The following GPC3 variants were observed in gnomAD, a reference collection of about 807,000 sequenced individuals.
GPC3 encodes the protein glypican 3.
In GPC3, 3 loss-of-function variants were observed where a neutral mutation model predicts 34.4. The ratio of observed to expected loss-of-function variants is 0.09; its 90% CI spans 0.04 to 0.23. The LOEUF is 0.23. Among genes scored for constraint, GPC3 ranks in the 10% least tolerant of loss-of-function variants. The pLI is 1.00. For missense variants in GPC3, 351 were observed against 445.6 expected (o/e 0.79, Z 1.91); for synonymous variants, 177 against 174.0 (o/e 1.02, Z -0.13).
At chrX:133,732,682 A>G (rs1278393968) in intron 3 of GPC3, among the ~76,000 whole-genome samples, 1 of 111,398 alleles carries the variant, frequency 9.0e-6, no homozygotes, top group Non-Finnish European at 1.9e-5. Flanking sequence ...GCCAAAAAGA[A>G]AAAGAAAAAC....
At chrX:133,861,894 CCAAA>C (rs1177884072) in intron 2 of GPC3, among the ~76,000 whole-genome samples, 1 of 111,617 alleles carries the variant, frequency 9.0e-6, no homozygotes, top group African/African-American at 3.3e-5. Flanking sequence ...GAAATACGAG[CCAAA>C]CAAACCTCTT....
At chrX:133,919,120 C>T (rs1391399441) in intron 2 of GPC3, among the ~76,000 whole-genome samples, 1 of 111,668 alleles carries the variant, frequency 9.0e-6, no homozygotes, top group East Asian at 2.8e-4. Context: ...CAAGAACATT[C>T]TAGACCCTTT....
At chrX:133,984,663 T>C (rs1448153637) in intron 1 of GPC3, among the ~76,000 whole-genome samples, 4 of 111,165 alleles carry the variant, frequency 3.6e-5, no homozygotes, top group African/African-American at 1.3e-4. Flanking sequence ...AGGGATGCTG[T>C]TTTGAAGGAA....
intron 2 of GPC3, among the ~76,000 whole-genome samples, chrX:133,850,607 ACTAT>A (rs908483314): frequency 9.9e-5 from 11 of 111,266 alleles, no homozygotes; most frequent in Non-Finnish European, 1.7e-4. Flanking sequence ...CCATTTCATA[ACTAT>A]CAGAATGATC....
chrX:133,935,985 T>C (rs976657434), intron 2 of GPC3, among the ~76,000 whole-genome samples: 7 of 110,163 alleles, frequency 6.4e-5, no homozygotes, highest in Non-Finnish European at 1.3e-4. Flanking sequence ...TGATCTCGAC[T>C]CACTGCAACC....
At chrX:133,609,805 C>T (rs1362060483) in intron 6 of GPC3, among the ~76,000 whole-genome samples, 1 of 112,400 alleles carries the variant, frequency 8.9e-6, no homozygotes, top group East Asian at 2.8e-4. Context: ...AGAATAATTG[C>T]TACTTGGCAT....
At chrX:133,622,517 T>G (rs1303166769) in intron 6 of GPC3, among the ~76,000 whole-genome samples, 1 of 111,888 alleles carries the variant, frequency 8.9e-6, no homozygotes, top group Non-Finnish European at 1.9e-5. Flanking sequence ...AAGAACTACG[T>G]GATGCATGCA....
intron 6 of GPC3, among the ~76,000 whole-genome samples, chrX:133,598,948 C>T (rs1342744134): frequency 8.9e-6 from 1 of 112,207 alleles, no homozygotes; most frequent in African/African-American, 3.2e-5. Flanking sequence ...CTCAAGCTCA[C>T]AGTGGCAGAT....
intron 6 of GPC3, among the ~76,000 whole-genome samples, chrX:133,654,394 G>A (rs1266785184): frequency 1.8e-5 from 2 of 110,900 alleles, no homozygotes; most frequent in Non-Finnish European, 3.8e-5. Flanking sequence ...AACGTTTTAG[G>A]GAATGAGCAT....
intron 2 of GPC3, among the ~76,000 whole-genome samples, chrX:133,786,058 G>A (rs773730467): frequency 1.8e-5 from 2 of 112,104 alleles, no homozygotes; most frequent in East Asian, 5.6e-4. Flanking sequence ...CTCATCAAAA[G>A]CTACCTTAAA....
intron 2 of GPC3, among the ~76,000 whole-genome samples, chrX:133,781,659 C>T (rs774855536): frequency 6.3e-5 from 7 of 111,476 alleles, no homozygotes; most frequent in Non-Finnish European, 1.3e-4. Context: ...TGTAAGCATG[C>T]CTAGTGGGAA....
chrX:133,570,287 C>A (rs181468254), intron 7 of GPC3, among the ~76,000 whole-genome samples: 1 of 111,100 alleles, frequency 9.0e-6, no homozygotes, highest in Non-Finnish European at 1.9e-5. Flanking sequence ...CCGCAACCTC[C>A]GCCTCTTAGG....
chrX:133,784,256 C>T lies in GPC3; in HGVS notation c.338-30080G>A, dbSNP rs186640429. Among the ~76,000 whole-genome samples the T allele has an allele frequency of 4.1e-3, 457 of 111,737 alleles. 2 individuals carry two copies. The highest frequency in any genetic ancestry group is 0.014 in the African/African-American group (429 of 30,788). The stretch of plus-strand genomic sequence containing the variant: ...TTATTAGTGCTTTCTGAAAAACGCA[C>T]GTGTAGCAAATTGCTGCACTTCAAG... On this transcript the variant is annotated intron_variant, in intron 2 of 7. Coordinates refer to ENST00000370818, the MANE Select transcript of GPC3 (RefSeq NM_004484.4).
At chrX:133,720,311 G>A (rs1019125714) in intron 3 of GPC3, among the ~76,000 whole-genome samples, 4 of 112,276 alleles carry the variant, frequency 3.6e-5, no homozygotes, top group African/African-American at 9.7e-5. Flanking sequence ...TGTCCCCACC[G>A]AAATCTTATC....
intron 5 of GPC3, among the ~76,000 whole-genome samples, chrX:133,666,517 CT>C (rs1434845024): frequency 1.8e-5 from 2 of 112,304 alleles, no homozygotes; most frequent in Non-Finnish European, 3.8e-5. Context: ...CCTATAGTTG[CT>C]TAAGTTTAGT....
At chrX:133,783,350 A>C (rs749450047) in intron 2 of GPC3, among the ~76,000 whole-genome samples, 2 of 112,080 alleles carry the variant, frequency 1.8e-5, no homozygotes, top group Non-Finnish European at 3.8e-5. Context: ...CAGGGCCTAG[A>C]AAGATGGGCC....
intron 2 of GPC3, among the ~76,000 whole-genome samples, chrX:133,761,813 T>G (rs1363853984): frequency 8.9e-6 from 1 of 111,904 alleles, no homozygotes; most frequent in Admixed American, 9.5e-5. Context: ...TATTTTAACC[T>G]TCTGGACACC....
In GPC3 at chrX:133,985,526, G is replaced by C. The variant is rs1218451986; in HGVS notation, c.-77C>G. 2 of 982,297 alleles carry C rather than the reference G, an allele frequency of 2.0e-6. No individual in the cohort carries two copies. Among genetic ancestry groups the C allele is most frequent in the East Asian group, 6.7e-5 (2 of 29,837 alleles). The allele number at this position is 982,297 out of a possible 1,213,427, so 81.0% of individuals were successfully genotyped here. On this transcript the variant is annotated 5_prime_UTR_variant, in exon 1 of 8. Transcript: ENST00000370818. ...AGCAGTCCCAGGACTCGGCAAGCCTGGCAGTGGCCCTGAGGAGCAAGAGAC... is the reference window on the plus strand; with the variant it reads ...AGCAGTCCCAGGACTCGGCAAGCCTCGCAGTGGCCCTGAGGAGCAAGAGAC...
chrX:133,869,806 T>G (rs903476519), intron 2 of GPC3, among the ~76,000 whole-genome samples: 2 of 109,791 alleles, frequency 1.8e-5, no homozygotes, highest in African/African-American at 6.8e-5. Flanking sequence ...ACAAAAAAAA[T>G]TAGCCGGGCG....
Sources: allele counts gnomAD v4.1 joint callset (sites outside exome capture counted in the v4.1 genomes callset), GRCh38; gene constraint gnomAD v4.1.1; transcripts MANE v1.5; gene names NCBI Gene and HGNC (gene_info 2026-07-23, HGNC 2026-07-21).